The following DPP6 variants were observed in gnomAD, a reference collection of about 807,000 sequenced individuals.
DPP6 encodes dipeptidyl peptidase like 6, also known as A-type potassium channel modulatory protein DPP6.
Under a neutral mutation model 122.6 loss-of-function variants are expected in DPP6, and 69 were observed. The observed-to-expected ratio is 0.56, with a 90% CI of 0.46 to 0.69. The LOEUF is 0.69. Ranked by LOEUF, DPP6 falls within the 30% of genes least tolerant of loss-of-function variation. DPP6 has a pLI of 0.00. For synonymous variants in DPP6, 418 were observed against 433.1 expected (o/e 0.97, Z 0.43); for missense variants, 928 against 1,116.9 (o/e 0.83, Z 2.41).
intron 1 of DPP6, among the ~76,000 whole-genome samples, chr7:154,201,509 A>T (rs1451386766): frequency 6.6e-6 from 1 of 152,198 alleles, no homozygotes; most frequent in Non-Finnish European, 1.5e-5. Flanking sequence ...TACCTAAAAC[A>T]TTCATTCCAA....
At chr7:154,638,722 C>A (rs923197052) in intron 6 of DPP6, among the ~76,000 whole-genome samples, 4 of 152,216 alleles carry the variant, frequency 2.6e-5, no homozygotes, top group African/African-American at 9.6e-5. Context: ...CATGTTGAGT[C>A]AGACACAGAT....
chr7:154,140,076 A>G (rs1795769219), intron 1 of DPP6, among the ~76,000 whole-genome samples: 1 of 152,180 alleles, frequency 6.6e-6, no homozygotes, highest in Non-Finnish European at 1.5e-5. Flanking sequence ...GTAGCTGCTC[A>G]CTGGTCATGA....
At chr7:154,385,511 T>TTTTA (rs905609220) in intron 1 of DPP6, among the ~76,000 whole-genome samples, 16 of 152,254 alleles carry the variant, frequency 1.1e-4, no homozygotes, top group Admixed American at 7.8e-4. Flanking sequence ...AGATGCTAAA[T>TTTTA]TTTATTTATT....
At chr7:154,179,349 GGTTGAGT>G in intron 1 of DPP6, among the ~76,000 whole-genome samples, 1 of 152,280 alleles carries the variant, frequency 6.6e-6, no homozygotes, top group South Asian at 2.1e-4. Context: ...GTGCTTTAAG[GGTTGAGT>G]GAATGGAGAC....
intron 5 of DPP6, among the ~76,000 whole-genome samples, chr7:154,594,685 G>T (rs1267428876): frequency 6.6e-6 from 1 of 152,092 alleles, no homozygotes; most frequent in Admixed American, 6.5e-5. Flanking sequence ...GCCTTATCTT[G>T]CTTTCCCTCC....
rs1056362157 is a variant in DPP6 at position 154,875,141 on chromosome 7, G to C, written c.1884-765G>C. Among the ~76,000 whole-genome samples, 7 of 151,762 alleles carry C rather than the reference G, an allele frequency of 4.6e-5. No individual in the cohort carries two copies. The highest frequency in any genetic ancestry group is 8.8e-5 in the Non-Finnish European group (6 of 67,928). ...AAGAAGAAAAGAAAAGAAAGAGAGA[G>C]AGAGAAGGAAAGAAGGAGGGGAGGG... On this transcript the variant is annotated intron_variant, in intron 19 of 25. Coordinates refer to ENST00000377770, the MANE Select transcript of DPP6 (RefSeq NM_130797.4). The surrounding 1 kb of genome is among the most constrained non-coding windows in gnomAD (Gnocchi z 4.5).
Position 154,105,005 on chromosome 7 carries a change from G to GCGGT in DPP6, c.243+51944_243+51947dup, listed in dbSNP as rs1365721829. ...AGGCTGGGAGTGGTGGCACACGCCTGCGGTCCCAGCTACTCCAGAGGCTGA... is the reference window on the plus strand; with the variant it reads ...AGGCTGGGAGTGGTGGCACACGCCTGCGGTCGGTCCCAGCTACTCCAGAGGCTGA... On this transcript the variant is annotated intron_variant, in intron 1 of 25. Coordinates refer to ENST00000377770, the MANE Select transcript of DPP6 (RefSeq NM_130797.4). Among the ~76,000 whole-genome samples, 5 of 152,218 alleles carry GCGGT rather than the reference G, an allele frequency of 3.3e-5. No homozygotes were observed. The East Asian group carries it at 9.7e-4, about 29-fold the overall frequency.
Position 154,078,169 on chromosome 7 carries a change from C to G in DPP6, c.243+25106C>G, listed in dbSNP as rs140201891. ...CTTTCATGTTTTGATTTGCTTTTTC[C>G]AAGCAGACATTAAGTGTGCTGAAGG... On this transcript the variant is annotated intron_variant, in intron 1 of 25. Transcript: ENST00000377770. Among the ~76,000 whole-genome samples, 584 of 152,028 alleles carry G rather than the reference C, an allele frequency of 3.8e-3. 9 individuals carry two copies. In the East Asian group the frequency reaches 0.061, roughly 16 times the overall value.
chr7:154,180,638 G>C (rs1018637200), intron 1 of DPP6, among the ~76,000 whole-genome samples: 1 of 151,000 alleles, frequency 6.6e-6, no homozygotes, highest in African/African-American at 2.4e-5. Flanking sequence ...TTAGATCCAT[G>C]AATATCCCGT....
At chr7:153,809,015 C>T in the DPP6 span, among the ~76,000 whole-genome samples, 34 of 152,170 alleles carry the variant, frequency 2.2e-4, no homozygotes, top group East Asian at 6.6e-3. Context: ...GTCCCACCAA[C>T]AGCATGCAGT....
chr7:153,860,004 A>G, the DPP6 span, among the ~76,000 whole-genome samples: 3 of 152,198 alleles, frequency 2.0e-5, no homozygotes, highest in African/African-American at 4.8e-5. Context: ...GCCAAACCAT[A>G]TCACTAAGGT....
chr7:154,638,862 G>A (rs142609130), intron 6 of DPP6, among the ~76,000 whole-genome samples: 201 of 152,084 alleles, frequency 1.3e-3, no homozygotes, highest in African/African-American at 4.7e-3. Context: ...TGGCCTTCCT[G>A]TTCCCCACCT....
At chr7:154,304,520 T>C (rs1585876684) in intron 1 of DPP6, among the ~76,000 whole-genome samples, 1 of 151,854 alleles carries the variant, frequency 6.6e-6, no homozygotes, top group Non-Finnish European at 1.5e-5. Context: ...CAGGACACAG[T>C]GGGGAGCCCT....
intron 1 of DPP6, among the ~76,000 whole-genome samples, chr7:153,973,043 T>C (rs1478892792): frequency 6.6e-6 from 1 of 151,962 alleles, no homozygotes; most frequent in Non-Finnish European, 1.5e-5. Flanking sequence ...AGGCATTGTT[T>C]TGGTTTGAAT....
intron 1 of DPP6, among the ~76,000 whole-genome samples, chr7:154,027,678 T>C (rs1266096533): frequency 6.6e-6 from 1 of 151,848 alleles, no homozygotes; most frequent in Non-Finnish European, 1.5e-5. Flanking sequence ...TGTTGTGGTT[T>C]TCAGATGAAC....
chr7:154,508,943 A>G (rs1825858838), intron 3 of DPP6, among the ~76,000 whole-genome samples: 1 of 152,192 alleles, frequency 6.6e-6, no homozygotes, highest in Non-Finnish European at 1.5e-5. Flanking sequence ...CAAAATAATG[A>G]AGTTGGACCC....
chr7:153,799,528 A>G, the DPP6 span, among the ~76,000 whole-genome samples: 2 of 152,122 alleles, frequency 1.3e-5, no homozygotes, highest in Admixed American at 6.5e-5. Flanking sequence ...TGTACACACC[A>G]TCCCGCTCTA....
chr7:154,749,300 T>A (rs1174946164), intron 8 of DPP6, among the ~76,000 whole-genome samples: 20 of 134,814 alleles, frequency 1.5e-4, no homozygotes, highest in Non-Finnish European at 9.5e-5. Context: ...GATGGCGGCT[T>A]TACTGAGAGA....
chr7:153,799,160 C>T, the DPP6 span, among the ~76,000 whole-genome samples: 3 of 152,256 alleles, frequency 2.0e-5, no homozygotes, highest in Non-Finnish European at 4.4e-5. Flanking sequence ...TAGCTGCCAA[C>T]GGTATGAATG....
Sources: gnomAD v4.1 joint callset for allele counts (sites outside exome capture counted in the v4.1 genomes callset) on GRCh38, gnomAD v4.1.1 for gene constraint, Gnocchi (gnomAD v3.1) non-coding constraint, MANE v1.5 for transcripts, NCBI Gene and HGNC (gene_info 2026-07-23, HGNC 2026-07-21) for gene names.